Variants in SULF1 observed in about 807,000 individuals in gnomAD.
SULF1 encodes the protein sulfatase 1.
A neutral mutation model predicts 110.5 loss-of-function variants in SULF1; 46 were observed. The observed-to-expected ratio is 0.42, with a 90% CI of 0.33 to 0.53. The LOEUF is 0.53. Among genes scored for constraint, SULF1 ranks in the 20% least tolerant of loss-of-function variants. The probability of loss-of-function intolerance (pLI) is 0.12; values close to 1 mark genes in which losing one functional copy is unlikely to be tolerated. For missense variants in SULF1, 941 were observed against 1,094.2 expected, an observed-to-expected ratio of 0.86 and a Z score of 1.98; for synonymous variants, 371 against 387.1, an observed-to-expected ratio of 0.96 and a Z score of 0.49.
chr8:69,608,424 A>C (rs1808392378), intron 13 of SULF1, among the ~76,000 whole-genome samples: 1 of 152,330 alleles, frequency 6.6e-6, no homozygotes, highest in South Asian at 2.1e-4. Flanking sequence ...TGATGCCTAT[A>C]ATCCCAACAC....
At chr8:69,493,693 A>T (rs1020641779) in intron 1 of SULF1, among the ~76,000 whole-genome samples, 10 of 152,244 alleles carry the variant, frequency 6.6e-5, no homozygotes, top group African/African-American at 2.4e-4. Context: ...TAAACTGTAC[A>T]AAACACTGTA....
At chr8:69,647,730 T>C (rs2130718158) in intron 22 of SULF1, among the ~76,000 whole-genome samples, 1 of 152,016 alleles carries the variant, frequency 6.6e-6, no homozygotes, top group Middle Eastern at 3.4e-3. Context: ...CTGTCTCTAC[T>C]AAAAATACAA....
chr8:69,498,154 A>G (rs1222615598), intron 2 of SULF1, among the ~76,000 whole-genome samples: 1 of 141,378 alleles, frequency 7.1e-6, no homozygotes, highest in Non-Finnish European at 1.6e-5. Flanking sequence ...CACACTCACA[A>G]GCACACACAC....
At chr8:69,627,535 C>T (rs1810189968) in intron 16 of SULF1, among the ~76,000 whole-genome samples, 1 of 152,158 alleles carries the variant, frequency 6.6e-6, no homozygotes. Context: ...CTTTTGAAAT[C>T]TCTGTGAGAA....
Position 69,603,637 on chromosome 8 carries a change from A to G in SULF1, c.1228A>G (p.Thr410Ala), listed in dbSNP as rs750375570. 6.2e-6 allele frequency: 10 copies of G among 1,613,396 alleles called. No homozygotes were observed. Among genetic ancestry groups the G allele is most frequent in the Admixed American group, 1.7e-5 (1 of 60,008 alleles). ...CAAGAAGGCCAAAATTTGGCGTGAT[A>G]CATTCCTAGTGGAAAGAGGGTAATT... is the stretch of plus-strand genomic sequence containing the variant. ...TNKKAKIWRD[T>A]FLVERGKFLR... is the part of the protein sequence containing the mutation. The change falls in exon 12 of 23, where the codon ACA becomes GCA. Residue 410 changes from threonine to alanine, a missense_variant. Thr to Ala is a moderately conservative substitution (Grantham distance 58). Transcript: ENST00000402687.
chr8:69,646,938 ATTTTTTT>A (rs532105097), intron 22 of SULF1, among the ~76,000 whole-genome samples: 2 of 97,740 alleles, frequency 2.0e-5, no homozygotes, highest in Non-Finnish European at 4.0e-5. Flanking sequence ...GAGCCCTGGA[ATTTTTTT>A]TTTTTTTTTT....
At chr8:69,604,962 CT>C in intron 13 of SULF1, 30 bp downstream of exon 13, 1 of 1,607,418 alleles carries the variant, frequency 6.2e-7, no homozygotes, top group Non-Finnish European at 8.5e-7. Context: ...TTTACCACCA[CT>C]CATGTGCTTC....
At chr8:69,581,057 T>C (rs1160012640) in intron 6 of SULF1, among the ~76,000 whole-genome samples, 1 of 152,206 alleles carries the variant, frequency 6.6e-6, no homozygotes, top group Non-Finnish European at 1.5e-5. Flanking sequence ...TAAACCACAG[T>C]GTGCTTGGAA....
chr8:69,610,948 C>G (rs145259704), intron 13 of SULF1, among the ~76,000 whole-genome samples: 3,403 of 152,282 alleles, frequency 0.022, 129 homozygotes, highest in African/African-American at 0.078. Context: ...ATCCCACTTT[C>G]TCACTTGCAT....
At chr8:69,469,622 C>T (rs574234385) in intron 1 of SULF1, among the ~76,000 whole-genome samples, 1 of 152,294 alleles carries the variant, frequency 6.6e-6, no homozygotes, top group East Asian at 1.9e-4. Context: ...TAGCCATTTC[C>T]ATCATAATAG....
In SULF1 at chr8:69,483,229, G is replaced by A. The variant is rs376287658; in HGVS notation, c.-390-12536G>A. ...ATAATCACAATCATACGTTTTGCCAGTCAGTCATCAATAATCAATACCATA... is the reference window on the plus strand; with the variant it reads ...ATAATCACAATCATACGTTTTGCCAATCAGTCATCAATAATCAATACCATA... On this transcript the variant is annotated intron_variant, in intron 1 of 22. Coordinates refer to the SULF1 transcript ENST00000260128. 9.2e-5 allele frequency among the ~76,000 whole-genome samples: 14 copies of A among 152,304 alleles called. No individual in the cohort carries two copies. In the South Asian group the frequency reaches 2.9e-3, roughly 32 times the overall value.
intron 5 of SULF1, among the ~76,000 whole-genome samples, 165 bp from the exon 6 acceptor site, chr8:69,575,805 A>G (rs760833918): frequency 1.7e-4 from 26 of 152,196 alleles, no homozygotes; most frequent in Non-Finnish European, 1.3e-4. Flanking sequence ...AGGATCTCAA[A>G]TGCTTAATTT....
At chr8:69,570,969 C>T (rs576747018) in intron 5 of SULF1, among the ~76,000 whole-genome samples, 3 of 152,204 alleles carry the variant, frequency 2.0e-5, no homozygotes, top group Non-Finnish European at 4.4e-5. Context: ...GACATAATCA[C>T]GGTTGCTTCA....
intron 1 of SULF1, among the ~76,000 whole-genome samples, chr8:69,473,976 TCTC>T (rs1192366860): frequency 6.6e-6 from 1 of 152,152 alleles, no homozygotes; most frequent in Non-Finnish European, 1.5e-5. Context: ...CTCAGGAAAA[TCTC>T]CTTGTATTCC....
At position 69,528,536 on chromosome 8, in the gene SULF1, A is replaced by T. The variant is rs191708135; in HGVS notation, c.-134+26568A>T. Among the ~76,000 whole-genome samples, 25 of 152,298 alleles carry T rather than the reference A, an allele frequency of 1.6e-4. 1 individual carries two copies. The East Asian group carries it at 4.1e-3, about 25-fold the overall frequency. ...TTACAAAACTTGGTTTTCTTTAATT[A>T]TGTACTGGTAAACTCTGACCAGAAA... On this transcript the variant is annotated intron_variant, in intron 3 of 22. Coordinates refer to ENST00000402687, the MANE Select transcript of SULF1 (RefSeq NM_001128205.2).
At chr8:69,612,974 T>C (rs1808780173) in intron 13 of SULF1, among the ~76,000 whole-genome samples, 1 of 152,208 alleles carries the variant, frequency 6.6e-6, no homozygotes, top group African/African-American at 2.4e-5. Context: ...CTTCTCAAAT[T>C]TTTATAGTTT....
chr8:69,639,416 A>C (rs534788907), intron 21 of SULF1, among the ~76,000 whole-genome samples: 1 of 152,220 alleles, frequency 6.6e-6, no homozygotes, highest in Non-Finnish European at 1.5e-5. Context: ...TCTGAATGGA[A>C]TCAGCCAGAT....
At chr8:69,649,399 G>A (rs1812161985) in intron 22 of SULF1, among the ~76,000 whole-genome samples, 1 of 152,046 alleles carries the variant, frequency 6.6e-6, no homozygotes, top group Admixed American at 6.6e-5. Context: ...TAACTGTTAT[G>A]CATTTATCAA....
At chr8:69,638,295 C>T (rs1811206184) in intron 19 of SULF1, 1 of 604,992 alleles carries the variant, frequency 1.7e-6, no homozygotes, top group African/African-American at 1.9e-5. Flanking sequence ...TAAGAGATCA[C>T]TATCTTTTTT....
Sources: allele counts gnomAD v4.1 joint callset (sites outside exome capture counted in the v4.1 genomes callset), GRCh38; gene constraint gnomAD v4.1.1; transcripts MANE v1.5; gene names NCBI Gene and HGNC (gene_info 2026-07-23, HGNC 2026-07-21).